Variants in BANK1 observed in about 807,000 individuals in gnomAD.
BANK1 encodes B-cell scaffold protein with ankyrin repeats.
Under a neutral mutation model 94.5 loss-of-function variants are expected in BANK1, and 95 were observed. That is an observed-to-expected ratio of 1.00 (90% confidence interval 0.85 to 1.19). BANK1 has a LOEUF of 1.19. Ranked by LOEUF, BANK1 falls within the 50% of genes most tolerant of loss-of-function variation. BANK1 has a pLI of 0.00. For synonymous variants in BANK1, 334 were observed against 308.4 expected (o/e 1.08, Z -0.87); for missense variants, 987 against 932.2 (o/e 1.06, Z -0.77).
At chr4:101,845,372 C>A (rs958628006) in intron 2 of BANK1, among the ~76,000 whole-genome samples, 63 of 152,062 alleles carry the variant, frequency 4.1e-4, no homozygotes, top group African/African-American at 1.5e-3. Context: ...TGAAAATATT[C>A]CTAAATATAT....
intron 5 of BANK1, among the ~76,000 whole-genome samples, chr4:101,890,785 C>G (rs1363421064): frequency 6.9e-6 from 1 of 145,086 alleles, no homozygotes; most frequent in African/African-American, 2.5e-5. Flanking sequence ...TTTGATGTAT[C>G]TCTTGTATTT....
At chr4:102,056,830 A>AC (rs976506481) in intron 11 of BANK1, among the ~76,000 whole-genome samples, 4 of 152,020 alleles carry the variant, frequency 2.6e-5, no homozygotes, top group Non-Finnish European at 5.9e-5. Flanking sequence ...ATATTGCGAG[A>AC]CCCCATCTTT....
intron 6 of BANK1, among the ~76,000 whole-genome samples, chr4:101,900,006 C>T (rs1168794520): frequency 6.6e-6 from 1 of 152,200 alleles, no homozygotes; most frequent in Non-Finnish European, 1.5e-5. Context: ...CCCCTCTCAG[C>T]CCAATTCCAT....
chr4:101,981,166 C>G (rs1294879670), intron 7 of BANK1, among the ~76,000 whole-genome samples: 1 of 152,036 alleles, frequency 6.6e-6, no homozygotes, highest in Non-Finnish European at 1.5e-5. Flanking sequence ...GAAAATGCCT[C>G]TATTATTCTC....
chr4:101,868,998 T>C (rs1169357492), intron 4 of BANK1, among the ~76,000 whole-genome samples: 2 of 151,904 alleles, frequency 1.3e-5, no homozygotes, highest in African/African-American at 4.8e-5. Flanking sequence ...AATTTTGAGT[T>C]AACTAAGGAT....
rs558031811 is a variant in BANK1 at position 102,007,917 on chromosome 4, A to G, written c.1207-13597A>G. 1.2e-3 allele frequency among the ~76,000 whole-genome samples: 183 copies of G among 152,306 alleles called. 1 individual carries two copies. The highest frequency in any genetic ancestry group is 3.9e-3 in the African/African-American group (162 of 41,572). ...TGTAGAATATAACACTATTAGTCAA[A>G]GCTAGAGGATATGAAGTTCAAATAT... On this transcript the variant is annotated intron_variant, in intron 7 of 16. Coordinates refer to ENST00000322953, the MANE Select transcript of BANK1 (RefSeq NM_017935.5).
chr4:101,862,371 A>C (rs573031025), intron 3 of BANK1, among the ~76,000 whole-genome samples, 155 bp from the exon 4 acceptor site: 1 of 152,266 alleles, frequency 6.6e-6, no homozygotes, highest in African/African-American at 2.4e-5. Context: ...AATCACATTT[A>C]TGTATTTTAT....
At chr4:101,913,514 G>A (rs1244321843) in intron 6 of BANK1, among the ~76,000 whole-genome samples, 2 of 152,110 alleles carry the variant, frequency 1.3e-5, no homozygotes, top group African/African-American at 4.8e-5. Context: ...AAGCTCCCAG[G>A]CTGTTTGTCT....
intron 5 of BANK1, among the ~76,000 whole-genome samples, chr4:101,886,181 G>A (rs191713165): frequency 6.6e-6 from 1 of 152,140 alleles, no homozygotes; most frequent in Non-Finnish European, 1.5e-5. Context: ...TAAATATTTT[G>A]TTGGGCAAAT....
At chr4:101,987,941 C>T (rs1425735878) in intron 7 of BANK1, among the ~76,000 whole-genome samples, 1 of 152,156 alleles carries the variant, frequency 6.6e-6, no homozygotes, top group Non-Finnish European at 1.5e-5. Flanking sequence ...TTCTCCACAT[C>T]CCCTTCCCAC....
chr4:102,044,926 A>T (rs1727828615), intron 11 of BANK1, among the ~76,000 whole-genome samples: 1 of 132,706 alleles, frequency 7.5e-6, no homozygotes, highest in African/African-American at 2.9e-5. Flanking sequence ...TAGATTCTGG[A>T]TATTAGCCCT....
At chr4:102,063,218 T>C (rs1728483557) in intron 13 of BANK1, 80 bp downstream of exon 13, 3 of 1,272,388 alleles carry the variant, frequency 2.4e-6, no homozygotes, top group Non-Finnish European at 3.4e-6. Flanking sequence ...TGATTGGGCC[T>C]GAGTTCAAAT....
At chr4:101,845,286 A>G (rs1211858110) in intron 2 of BANK1, among the ~76,000 whole-genome samples, 1 of 152,184 alleles carries the variant, frequency 6.6e-6, no homozygotes, top group Non-Finnish European at 1.5e-5. Flanking sequence ...TCACCAATTT[A>G]TTTATGTACA....
intron 1 of BANK1, among the ~76,000 whole-genome samples, chr4:101,816,795 C>G (rs940505507): frequency 6.6e-6 from 1 of 151,980 alleles, no homozygotes; most frequent in Non-Finnish European, 1.5e-5. Context: ...CACATAACAC[C>G]CAGTTTATTA....
rs1726905764 is a variant in BANK1, at chr4:101,838,244, C to A, written c.469+8038C>A. Among the ~76,000 whole-genome samples the A allele has an allele frequency of 2.0e-5, 3 of 152,270 alleles. 1 individual carries two copies. In the South Asian group the frequency reaches 6.2e-4, roughly 32 times the overall value. On this transcript the variant is annotated intron_variant, in intron 2 of 16. Coordinates refer to ENST00000322953, the MANE Select transcript of BANK1 (RefSeq NM_017935.5). The stretch of plus-strand genomic sequence containing the variant: ...AAAGTGGTGGGATTACAGGCATGAA[C>A]CATCATGCCCAGCCTCTGGGTAGCT...
intron 8 of BANK1, among the ~76,000 whole-genome samples, chr4:102,021,902 A>T (rs1160671448): frequency 6.6e-6 from 1 of 152,130 alleles, no homozygotes; most frequent in African/African-American, 2.4e-5. Context: ...TTAAAAACTC[A>T]TAACCACATT....
chr4:101,808,305 G>A (rs1725629589), intron 1 of BANK1, among the ~76,000 whole-genome samples: 1 of 151,990 alleles, frequency 6.6e-6, no homozygotes, highest in Admixed American at 6.6e-5. Flanking sequence ...AGAAAAATAT[G>A]TAATATAAAA....
At chr4:101,933,612 T>C (rs1421030404) in intron 7 of BANK1, among the ~76,000 whole-genome samples, 1 of 151,536 alleles carries the variant, frequency 6.6e-6, no homozygotes, top group Non-Finnish European at 1.5e-5. Context: ...TACTGATGAC[T>C]GTCAAAGAAA....
At chr4:101,860,709 G>A (rs1377730025) in intron 3 of BANK1, among the ~76,000 whole-genome samples, 1 of 152,136 alleles carries the variant, frequency 6.6e-6, no homozygotes, top group Admixed American at 6.5e-5. Context: ...GGGATTACAG[G>A]CATGAGCCAC....
Sources: gnomAD v4.1 joint callset for allele counts (sites outside exome capture counted in the v4.1 genomes callset) on GRCh38, gnomAD v4.1.1 for gene constraint, MANE v1.5 for transcripts, NCBI Gene and HGNC (gene_info 2026-07-23, HGNC 2026-07-21) for gene names.